FSTL4: variants seen among roughly 807,000 people sequenced by gnomAD.
FSTL4 encodes follistatin-related protein 4.
In FSTL4, 28 loss-of-function variants were observed where a neutral mutation model predicts 78.2. The observed-to-expected ratio is 0.36, with a 90% CI of 0.27 to 0.49. The LOEUF (loss-of-function observed/expected upper bound fraction) is 0.49. Ranked by LOEUF, FSTL4 falls within the 20% of genes least tolerant of loss-of-function variation. The pLI, the probability that FSTL4 is intolerant of heterozygous loss-of-function variation, is 0.98. For missense variants in FSTL4, 922 were observed against 1,084.9 expected (o/e 0.85, Z 2.11); for synonymous variants, 422 against 440.5 (o/e 0.96, Z 0.53).
At chr5:133,709,371 T>C in the FSTL4 span, among the ~76,000 whole-genome samples, 4 of 152,250 alleles carry the variant, frequency 2.6e-5, no homozygotes, top group African/African-American at 9.6e-5. Context: ...AACTCCACAT[T>C]TGACTTCTAT....
chr5:133,203,751 T>G (rs1245415383), intron 14 of FSTL4, among the ~76,000 whole-genome samples: 3 of 152,148 alleles, frequency 2.0e-5, no homozygotes. Context: ...AGGCCTGTCA[T>G]TTTAGCTCAT....
At chr5:133,610,585 C>A (rs189012108) in intron 1 of FSTL4, among the ~76,000 whole-genome samples, 1 of 152,166 alleles carries the variant, frequency 6.6e-6, no homozygotes, top group African/African-American at 2.4e-5. Context: ...GCTCGTATGT[C>A]CGGCTTGAGC....
intron 4 of FSTL4, among the ~76,000 whole-genome samples, chr5:133,393,220 A>G (rs535703994): frequency 1.3e-5 from 2 of 152,346 alleles, no homozygotes; most frequent in Non-Finnish European, 2.9e-5. Flanking sequence ...GAGGGTATCC[A>G]ACATGAGAGA....
At chr5:133,413,705 C>G (rs1269299064) in intron 3 of FSTL4, among the ~76,000 whole-genome samples, 2 of 152,034 alleles carry the variant, frequency 1.3e-5, no homozygotes, top group African/African-American at 4.8e-5. Flanking sequence ...TTAAGTATCT[C>G]TTATCTCTTT....
chr5:133,537,795 T>C (rs1270628003), intron 3 of FSTL4, among the ~76,000 whole-genome samples: 302 of 151,322 alleles, frequency 2.0e-3, no homozygotes, highest in African/African-American at 6.1e-3. Flanking sequence ...TATATATATA[T>C]ATACACACAC....
At chr5:133,827,603 GT>G in the FSTL4 span, among the ~76,000 whole-genome samples, 4 of 151,922 alleles carry the variant, frequency 2.6e-5, no homozygotes, top group African/African-American at 9.7e-5. Flanking sequence ...CAAAAGAAGA[GT>G]TTTTCTTAAG....
intron 4 of FSTL4, among the ~76,000 whole-genome samples, chr5:133,335,352 T>G (rs1754439568): frequency 6.6e-6 from 1 of 151,966 alleles, no homozygotes; most frequent in Non-Finnish European, 1.5e-5. Context: ...GTTTGAGGAC[T>G]GAAGTATGGA....
intron 3 of FSTL4, among the ~76,000 whole-genome samples, chr5:133,548,306 T>C (rs897895538): frequency 2.6e-5 from 4 of 151,666 alleles, no homozygotes; most frequent in Non-Finnish European, 4.4e-5. Flanking sequence ...CCTGAACCTA[T>C]GGTTAGCGTT....
the FSTL4 span, among the ~76,000 whole-genome samples, chr5:133,634,027 T>C: frequency 1.3e-5 from 2 of 152,090 alleles, no homozygotes; most frequent in Admixed American, 6.5e-5. Flanking sequence ...GAGAGTGGCC[T>C]TGTTACCAAG....
Position 133,523,607 on chromosome 5 carries a change from T to TA in FSTL4, c.160+43578dup, listed in dbSNP as rs1419242295. On this transcript the variant is annotated intron_variant, in intron 3 of 15. Transcript: ENST00000265342. Reference sequence around the variant, plus strand: ...AACATTTGTGAATCTTGGTTTTTTTTAATATGTTTTTATATGTAAAGTGAG... The same window carrying TA: ...AACATTTGTGAATCTTGGTTTTTTTTAAATATGTTTTTATATGTAAAGTGAG... Among the ~76,000 whole-genome samples the TA allele has an allele frequency of 3.3e-5, 5 of 152,228 alleles. 1 individual carries two copies. Among genetic ancestry groups the TA allele is most frequent in the African/African-American group, 4.8e-5 (2 of 41,452 alleles).
the FSTL4 span, among the ~76,000 whole-genome samples, chr5:133,656,503 A>G: frequency 1.6e-4 from 24 of 152,232 alleles, no homozygotes; most frequent in Non-Finnish European, 2.5e-4. Flanking sequence ...CTGAACACAT[A>G]GAAATGTTGA....
At chr5:133,212,818 C>T (rs961983128) in intron 13 of FSTL4, among the ~76,000 whole-genome samples, 6 of 151,882 alleles carry the variant, frequency 4.0e-5, no homozygotes, top group African/African-American at 1.5e-4. Flanking sequence ...ATGCCATATG[C>T]ACACACATAA....
the FSTL4 span, among the ~76,000 whole-genome samples, chr5:133,688,767 C>A: frequency 2.6e-3 from 390 of 152,350 alleles, no homozygotes; most frequent in African/African-American, 9.2e-3. Context: ...ACAGGGCCCA[C>A]AGTTCTGATG....
intron 12 of FSTL4, among the ~76,000 whole-genome samples, chr5:133,220,226 C>T (rs1751047466): frequency 2.0e-5 from 3 of 152,238 alleles, no homozygotes; most frequent in Admixed American, 1.3e-4. Context: ...CCTCAAGGAG[C>T]GCAGGGTATC....
chr5:133,244,794 G>C (rs192478159), intron 7 of FSTL4: 2 of 152,418 alleles, frequency 1.3e-5, no homozygotes, highest in Admixed American at 6.5e-5. Flanking sequence ...GACATACCAG[G>C]TCCAGGCCCA....
chr5:133,680,410 G>A, the FSTL4 span, among the ~76,000 whole-genome samples: 1 of 152,128 alleles, frequency 6.6e-6, no homozygotes, highest in Admixed American at 6.5e-5. Context: ...TTCCAAGGTG[G>A]TGGGCCCTGC....
At chr5:133,481,806 G>C (rs1184661167) in intron 3 of FSTL4, among the ~76,000 whole-genome samples, 2 of 152,132 alleles carry the variant, frequency 1.3e-5, no homozygotes, top group African/African-American at 2.4e-5. Context: ...TCATCAAAAG[G>C]AAGAGGTCTG....
the FSTL4 span, among the ~76,000 whole-genome samples, chr5:133,622,142 T>C: frequency 1.3e-5 from 2 of 152,166 alleles, no homozygotes. Flanking sequence ...GTAAAGGGAA[T>C]CATACAACAT....
chr5:133,632,037 A>T, the FSTL4 span, among the ~76,000 whole-genome samples: 1 of 152,112 alleles, frequency 6.6e-6, no homozygotes, highest in Non-Finnish European at 1.5e-5. Context: ...TAGGAGAAAT[A>T]CCTAATGTAG....
Sources: gnomAD v4.1 joint callset for allele counts (sites outside exome capture counted in the v4.1 genomes callset) on GRCh38, gnomAD v4.1.1 for gene constraint, MANE v1.5 for transcripts, NCBI Gene and HGNC (gene_info 2026-07-23, HGNC 2026-07-21) for gene names.